Variants in RELN observed in about 807,000 individuals in gnomAD.
The protein encoded by RELN is reelin.
In RELN, 108 loss-of-function variants were observed where a neutral mutation model predicts 427.6. The observed-to-expected ratio is 0.25, with a 90% CI of 0.22 to 0.30. RELN has a LOEUF of 0.30. Among genes scored for constraint, RELN ranks in the 10% least tolerant of loss-of-function variants. The pLI, the probability that RELN is intolerant of heterozygous loss-of-function variation, is 1.00. For missense variants in RELN, 3,715 were observed against 4,302.8 expected (o/e 0.86, Z 3.82); for synonymous variants, 1,524 against 1,513.4 (o/e 1.01, Z -0.16).
intron 1 of RELN, among the ~76,000 whole-genome samples, chr7:103,946,808 A>G (rs1435057903): frequency 6.6e-6 from 1 of 152,230 alleles, no homozygotes; most frequent in East Asian, 1.9e-4. Context: ...ATGCAAAAAG[A>G]TAATAAAAAA....
In RELN at chr7:103,781,863, G is replaced by A. The variant is rs1314727741; in HGVS notation, c.474-5236C>T. ...ATGTAATTTACAGCTGTCTCTCGGGGGGAAGGTCCATCACACTGATGGTGT... is the reference window on the plus strand; with the variant it reads ...ATGTAATTTACAGCTGTCTCTCGGGAGGAAGGTCCATCACACTGATGGTGT... On this transcript the variant is annotated intron_variant, in intron 3 of 64. Coordinates refer to ENST00000428762, the MANE Select transcript of RELN (RefSeq NM_005045.4). Among the ~76,000 whole-genome samples the A allele has an allele frequency of 2.0e-5, 3 of 151,698 alleles. No individual in the cohort carries two copies. In the East Asian group the frequency reaches 5.8e-4, roughly 29 times the overall value.
intron 20 of RELN, among the ~76,000 whole-genome samples, chr7:103,628,816 G>C (rs917378536): frequency 1.3e-5 from 2 of 152,188 alleles, no homozygotes; most frequent in African/African-American, 4.8e-5. Flanking sequence ...GGAACCTAGA[G>C]AGGGGCAGTA....
At chr7:103,966,780 G>A (rs1294568502) in intron 1 of RELN, among the ~76,000 whole-genome samples, 1 of 152,176 alleles carries the variant, frequency 6.6e-6, no homozygotes, top group African/African-American at 2.4e-5. Flanking sequence ...TGGAACACTA[G>A]TTATCTTGGA....
chr7:103,797,846 G>T (rs909757426), intron 3 of RELN, among the ~76,000 whole-genome samples: 3 of 152,186 alleles, frequency 2.0e-5, no homozygotes, highest in Non-Finnish European at 2.9e-5. Flanking sequence ...AAAGCCAAAA[G>T]ACATTCAATT....
intron 1 of RELN, among the ~76,000 whole-genome samples, chr7:103,963,134 C>CTTTTTTTTT (rs61170235): frequency 0.095 from 13,248 of 139,134 alleles, 1,096 homozygotes; most frequent in African/African-American, 0.2. Flanking sequence ...TTTTCGCCTT[C>CTTTTTTTTT]TTTTTTTTTT....
intron 3 of RELN, among the ~76,000 whole-genome samples, chr7:103,814,203 C>G (rs781527675): frequency 4.6e-5 from 7 of 152,164 alleles, no homozygotes; most frequent in African/African-American, 1.7e-4. Flanking sequence ...CATAATAACA[C>G]TGCTTATTTC....
intron 3 of RELN, among the ~76,000 whole-genome samples, chr7:103,831,307 T>A (rs1225677187): frequency 6.6e-6 from 1 of 152,118 alleles, no homozygotes; most frequent in African/African-American, 2.4e-5. Flanking sequence ...ACTATTAAGT[T>A]AAAGGTAATG....
At chr7:103,493,939 G>T (rs1828748067) in intron 57 of RELN, among the ~76,000 whole-genome samples, 2 of 151,992 alleles carry the variant, frequency 1.3e-5, no homozygotes, top group Non-Finnish European at 2.9e-5. Context: ...AAATTGCCTT[G>T]GTTATAGAAA....
chr7:103,870,143 G>A (rs1047540143), intron 2 of RELN, among the ~76,000 whole-genome samples: 7 of 151,952 alleles, frequency 4.6e-5, no homozygotes, highest in Non-Finnish European at 1.0e-4. Context: ...CTCAGACCAT[G>A]CTTTTTTTTG....
chr7:103,491,547 C>G (rs778927933), intron 58 of RELN, among the ~76,000 whole-genome samples: 17 of 151,894 alleles, frequency 1.1e-4, no homozygotes, highest in Non-Finnish European at 2.1e-4. Flanking sequence ...AGGGTTATTC[C>G]TCTGTAAGCA....
At chr7:103,750,271 C>A (rs1010959688) in intron 5 of RELN, among the ~76,000 whole-genome samples, 10 of 152,132 alleles carry the variant, frequency 6.6e-5, no homozygotes, top group Non-Finnish European at 1.2e-4. Flanking sequence ...AGCCACTGTG[C>A]CCAGCTGAGA....
intron 4 of RELN, among the ~76,000 whole-genome samples, chr7:103,755,062 C>A (rs1791099823): frequency 6.6e-6 from 1 of 152,124 alleles, no homozygotes; most frequent in African/African-American, 2.4e-5. Flanking sequence ...GCTGTGCAGA[C>A]TGCTCTTTCA....
chr7:103,832,691 T>C (rs1431929621), intron 3 of RELN, among the ~76,000 whole-genome samples: 1 of 152,086 alleles, frequency 6.6e-6, no homozygotes, highest in Admixed American at 6.6e-5. Flanking sequence ...GTGTAGTGTT[T>C]ATCTAAGGAT....
rs1830465961 is a variant in RELN, at chr7:103,553,771, T to C, written c.5858A>G (p.Asn1953Ser). ...AAATGTATCCAAGAGCATCACAGGG[T>C]TGTTTACATTATTTCCATCGATAAT... Reference protein sequence around the residue: ...DFIIDGNNVNNPVMLLDTFDF... With the variant: ...DFIIDGNNVNSPVMLLDTFDF... Residue 1953 changes from asparagine to serine, a missense_variant, in exon 39 of 65, where the codon AAC (asparagine) becomes AGC (serine). By Grantham distance (46) the Asn-to-Ser change is conservative. Around this residue, in one of 4 missense-constraint regions of RELN, gnomAD observed 1,310 missense variants for 1,643.0 expected, o/e 0.80. Coordinates refer to ENST00000428762, the MANE Select transcript of RELN (RefSeq NM_005045.4). 6.2e-7 allele frequency: 1 copy of C among 1,613,924 alleles called. No individual in the cohort carries two copies. Among genetic ancestry groups the C allele is most frequent in the Non-Finnish European group, 8.5e-7 (1 of 1,179,942 alleles).
At chr7:103,737,308 T>C (rs959866000) in intron 6 of RELN, among the ~76,000 whole-genome samples, 2 of 152,204 alleles carry the variant, frequency 1.3e-5, no homozygotes, top group Non-Finnish European at 2.9e-5. Context: ...CATGGGCGTG[T>C]TGGACACTGA....
At chr7:103,478,595 T>G in intron 63 of RELN, 2 of 564,220 alleles carry the variant, frequency 3.5e-6, no homozygotes, top group East Asian at 6.1e-5. Context: ...TACTTTTCTA[T>G]GTAATGTAAC....
chr7:103,576,230 G>A lies in RELN; in HGVS notation c.4146-525C>T, dbSNP rs545472900. On this transcript the variant is annotated intron_variant, in intron 28 of 64. Coordinates refer to ENST00000428762, the MANE Select transcript of RELN (RefSeq NM_005045.4). ...AGCCTGGGTGACAGGGCGAGACTCC[G>A]TCTCAAAAAAAAAATTCTCGTGCTT... Among the ~76,000 whole-genome samples the A allele has an allele frequency of 4.0e-4, 61 of 151,952 alleles. No individual in the cohort carries two copies. In the South Asian group the frequency reaches 0.012, roughly 31 times the overall value.
intron 3 of RELN, among the ~76,000 whole-genome samples, chr7:103,816,530 A>AACACACACAC (rs57873981): frequency 0.01 from 1,502 of 143,716 alleles, 22 homozygotes; most frequent in Middle Eastern, 0.035. Context: ...TTTCTCTAGA[A>AACACACACAC]ACACACACAC....
intron 57 of RELN, among the ~76,000 whole-genome samples, chr7:103,492,954 C>T (rs1043900115): frequency 5.3e-5 from 8 of 152,056 alleles, no homozygotes; most frequent in Non-Finnish European, 7.4e-5. Context: ...CCAAGTATAT[C>T]GTATATGAAA....
Sources: gnomAD v4.1 joint callset for allele counts (sites outside exome capture counted in the v4.1 genomes callset) on GRCh38, gnomAD v4.1.1 for gene constraint, gnomAD v4.1.1 regional missense constraint, MANE v1.5 for transcripts, NCBI Gene and HGNC (gene_info 2026-07-23, HGNC 2026-07-21) for gene names.